UPF3B: variants seen among roughly 807,000 people sequenced by gnomAD.
The protein encoded by UPF3B is regulator of nonsense transcripts 3B.
In UPF3B, 7 loss-of-function variants were observed where a neutral mutation model predicts 40.3. The ratio of observed to expected loss-of-function variants is 0.17; its 90% CI spans 0.10 to 0.33. UPF3B has a LOEUF of 0.33. UPF3B is among the 10% of genes least tolerant of loss of function. The probability of loss-of-function intolerance (pLI) is 1.00; values close to 1 mark genes in which losing one functional copy is unlikely to be tolerated. For missense variants in UPF3B, 229 were observed against 358.9 expected (o/e 0.64, Z 2.93); for synonymous variants, 117 against 117.3 (o/e 1.00, Z 0.01).
intron 9 of UPF3B, 30 bp from the exon 10 acceptor site, chrX:119,838,081 C>G: frequency 1.7e-6 from 2 of 1,204,191 alleles, no homozygotes; most frequent in Non-Finnish European, 2.2e-6. Flanking sequence ...GAGACAGAAC[C>G]CTGAAAGATC....
downstream of UPF3B, among the ~76,000 whole-genome samples, chrX:119,831,197 C>T (rs905880908): frequency 7.2e-5 from 8 of 111,775 alleles, no homozygotes; most frequent in African/African-American, 9.7e-5. Context: ...ACGAGCAGAG[C>T]GACCCCCTTT....
At chrX:119,826,373 A>AG (rs1454574515) in intron 3 of UPF3B, among the ~76,000 whole-genome samples, 1 of 108,273 alleles carries the variant, frequency 9.2e-6, no homozygotes, top group Admixed American at 9.9e-5. Flanking sequence ...CCCAGGTACT[A>AG]GGGGAGGCTG....
chrX:119,852,495 T>TA (rs938576962), intron 1 of UPF3B, among the ~76,000 whole-genome samples: 3 of 111,959 alleles, frequency 2.7e-5, no homozygotes, highest in Non-Finnish European at 5.6e-5. Flanking sequence ...CCTCATTCTT[T>TA]ATACCGTCGC....
At position 119,834,760 on chromosome X, in the gene UPF3B, C is replaced by T. The variant is rs970673565; in HGVS notation, c.*118G>A. On this transcript the variant is annotated 3_prime_UTR_variant, in exon 11 of 11. Transcript: ENST00000276201. ...AAGACTTACTCCTCTGCAGTGTACC[C>T]CACCAGCACAGCGGCTCCCTTTCTC... The T allele has an allele frequency of 1.2e-4, 143 of 1,200,321 alleles. No homozygotes were observed. In the South Asian group the frequency reaches 2.5e-3, roughly 21 times the overall value.
At chrX:119,830,230 T>C (rs1211244582), downstream of UPF3B, among the ~76,000 whole-genome samples, 3 of 111,192 alleles carry the variant, frequency 2.7e-5, no homozygotes, top group Non-Finnish European at 5.7e-5. Flanking sequence ...GAATAGTTGA[T>C]GTGGTTTGGA....
At chrX:119,812,121 C>G (rs1259707615) in intron 5 of UPF3B, among the ~76,000 whole-genome samples, 1 of 110,902 alleles carries the variant, frequency 9.0e-6, no homozygotes, top group Non-Finnish European at 1.9e-5. Flanking sequence ...ATGTGTGGTG[C>G]CAGGCATCTG....
downstream of UPF3B, among the ~76,000 whole-genome samples, chrX:119,829,573 ACTC>A (rs1320284678): frequency 1.8e-5 from 2 of 110,906 alleles, no homozygotes; most frequent in African/African-American, 6.6e-5. Flanking sequence ...CCTGCTGGCC[ACTC>A]CTCTTCCTTG....
At chrX:119,837,325 A>T (rs977224059) in intron 10 of UPF3B, among the ~76,000 whole-genome samples, 2 of 109,761 alleles carry the variant, frequency 1.8e-5, no homozygotes, top group Admixed American at 1.9e-4. Context: ...CAAGACTGAA[A>T]TAAAAGTTGG....
At chrX:119,807,080 G>A (rs760752050) in intron 6 of UPF3B, among the ~76,000 whole-genome samples, 1 of 105,935 alleles carries the variant, frequency 9.4e-6, no homozygotes, top group South Asian at 4.2e-4. Flanking sequence ...TTCAACTCGG[G>A]ATGAACAACA....
Position 119,820,763 on chromosome X carries a change from CT to C in UPF3B, c.494+2178del, listed in dbSNP as rs1483925605. Among the ~76,000 whole-genome samples the C allele has an allele frequency of 8.1e-5, 9 of 111,658 alleles. No homozygotes were observed. In the East Asian group the frequency reaches 1.4e-3, roughly 17 times the overall value. On this transcript the variant is annotated intron_variant, in intron 4 of 6. Transcript: ENST00000636792. ...GGATTACAGGCATGAGCCACTGCCC[CT>C]GGCTTCTGTTCTTTTAAAAATCCAT... is the stretch of plus-strand genomic sequence containing the variant.
intron 6 of UPF3B, among the ~76,000 whole-genome samples, chrX:119,807,216 A>G (rs1449492109): frequency 1.8e-5 from 2 of 111,308 alleles, no homozygotes; most frequent in Non-Finnish European, 3.8e-5. Context: ...ACTAAAATTA[A>G]TTTGTATAAA....
intron 6 of UPF3B, chrX:119,807,434 C>T (rs1362110813): frequency 1.1e-6 from 1 of 883,251 alleles, no homozygotes; most frequent in Non-Finnish European, 1.4e-6. Context: ...CTGGACTTAA[C>T]ACTCCCTTCC....
intron 3 of UPF3B, among the ~76,000 whole-genome samples, chrX:119,850,944 G>A (rs962585480): frequency 1.8e-5 from 2 of 111,683 alleles, no homozygotes; most frequent in African/African-American, 6.5e-5. Flanking sequence ...GTTTCACCAC[G>A]TTGGCCAGGC....
intron 3 of UPF3B, among the ~76,000 whole-genome samples, chrX:119,848,601 G>A (rs776864473): frequency 8.9e-6 from 1 of 111,830 alleles, no homozygotes; most frequent in Non-Finnish European, 1.9e-5. Context: ...GGTTAAGATG[G>A]TAAATTTTAT....
intron 5 of UPF3B, among the ~76,000 whole-genome samples, chrX:119,814,641 A>T (rs1253139947): frequency 8.9e-6 from 1 of 111,808 alleles, no homozygotes; most frequent in Non-Finnish European, 1.9e-5. Context: ...ACCAGCTCTT[A>T]CTTTTCTCTC....
chrX:119,831,353 A>C (rs2056034912), downstream of UPF3B, among the ~76,000 whole-genome samples: 1 of 103,924 alleles, frequency 9.6e-6, no homozygotes, highest in South Asian at 4.2e-4. Flanking sequence ...ATTGAGTCTC[A>C]CTTTGTTGCT....
chrX:119,852,628 G>C, intron 1 of UPF3B, 145 bp downstream of exon 1: 5 of 966,836 alleles, frequency 5.2e-6, no homozygotes, highest in South Asian at 4.3e-5. Context: ...CGGGTGAATG[G>C]ATGAACCAGG....
chrX:119,816,441 G>T (rs1198938755), intron 4 of UPF3B, among the ~76,000 whole-genome samples: 1 of 111,614 alleles, frequency 9.0e-6, no homozygotes, highest in African/African-American at 3.3e-5. Context: ...GGACTTATTT[G>T]AATCCCTGAC....
Position 119,837,808 on chromosome X carries a change from T to G in UPF3B, c.1251A>C (p.Glu417Asp). Reference protein sequence around the residue: ...AESTESIGSSEKTEKKEEVVK... With the variant: ...AESTESIGSSDKTEKKEEVVK... Reference sequence around the variant, plus strand: ...CCACTTCTTCTTTCTTTTCAGTTTTTTCTGAGCTGCCTATTGATTCTGTAC... The same window carrying G: ...CCACTTCTTCTTTCTTTTCAGTTTTGTCTGAGCTGCCTATTGATTCTGTAC... Residue 417 changes from glutamate to aspartate, a missense_variant, in exon 10 of 11, where the codon GAA becomes GAC. By Grantham distance (45) the Glu-to-Asp change is conservative. Transcript: ENST00000276201. 8.3e-7 allele frequency: 1 copy of G among 1,210,755 alleles called. No homozygotes were observed. The highest frequency in any genetic ancestry group is 3.0e-5 in the East Asian group (1 of 33,849).
Sources: allele counts gnomAD v4.1 joint callset (sites outside exome capture counted in the v4.1 genomes callset), GRCh38; gene constraint gnomAD v4.1.1; transcripts MANE v1.5; gene names NCBI Gene and HGNC (gene_info 2026-07-23, HGNC 2026-07-21).